MRAP: variants seen among roughly 807,000 people sequenced by gnomAD.
MRAP encodes melanocortin-2 receptor accessory protein.
A neutral mutation model predicts 8.7 loss-of-function variants in MRAP; 8 were observed. The observed-to-expected ratio is 0.92, with a 90% CI of 0.54 to 1.66. MRAP has a LOEUF of 1.66. Ranked by LOEUF, MRAP falls within the 40% of genes most tolerant of loss-of-function variation. MRAP has a pLI of 0.00. For synonymous variants in MRAP, 95 were observed against 95.5 expected (o/e 1.00, Z 0.03); for missense variants, 237 against 217.1 (o/e 1.09, Z -0.58).
In MRAP at chr21:32,299,070, C is replaced by T. The variant is rs780833179; in HGVS notation, c.99C>T (p.Ala33=). The change falls in exon 1 of 3, where the codon GCC becomes GCT. Residue 33 remains alanine, a synonymous_variant. Coordinates refer to ENST00000303645, the MANE Select transcript of MRAP (RefSeq NM_001379228.1). ...LIPVDEKKLK[A]HKHSIVIAFW... ...CCGTGGACGAGAAGAAGCTGAAAGC[C>T]CACAAACGTAAGTCTGAACTAGGGA... 1.2e-6 allele frequency: 2 copies of T among 1,613,630 alleles called. No homozygotes were observed. Among genetic ancestry groups the T allele is most frequent in the South Asian group, 1.1e-5 (1 of 91,070 alleles).
chr21:32,304,393 G>A (rs2032354206), intron 1 of MRAP, among the ~76,000 whole-genome samples: 1 of 152,092 alleles, frequency 6.6e-6, no homozygotes, highest in Non-Finnish European at 1.5e-5. Flanking sequence ...GAGGCAGGTG[G>A]ATCATGAGGT....
chr21:32,300,868 G>A (rs768664130), intron 1 of MRAP, among the ~76,000 whole-genome samples: 5 of 150,720 alleles, frequency 3.3e-5, no homozygotes, highest in East Asian at 3.9e-4. Context: ...GGCGTCATGC[G>A]TCCTATGTCG....
At chr21:32,294,677 A>C (rs1482991260), upstream of MRAP, among the ~76,000 whole-genome samples, 1 of 152,118 alleles carries the variant, frequency 6.6e-6, no homozygotes, top group African/African-American at 2.4e-5. Context: ...TCGATAAACA[A>C]ATGTTTTAAA....
At position 32,311,898 on chromosome 21, in the gene MRAP, A is replaced by T. The variant is rs1245795862; in HGVS notation, c.421A>T (p.Thr141Ser). ...CCTCGGGGGTTTCCAGACCCACCCC[A>T]CTCTCCTCTGGGAACTGACCCTCAA... is the stretch of plus-strand genomic sequence containing the variant. ...LPLGGFQTHP[T>S]LLWELTLNGG... The change falls in exon 3 of 3, where the codon ACT becomes TCT. Residue 141 changes from threonine (T) to serine (S), a missense_variant. Thr to Ser is a moderately conservative substitution (Grantham distance 58). Transcript: ENST00000303645. 3 of 1,613,178 alleles carry T rather than the reference A, an allele frequency of 1.9e-6. No homozygotes were observed. In the African/African-American group the frequency reaches 4.0e-5, roughly 22 times the overall value.
At chr21:32,299,138 G>A (rs1156927604) in intron 1 of MRAP, 61 bp downstream of exon 1, 5 of 1,283,266 alleles carry the variant, frequency 3.9e-6, no homozygotes, top group African/African-American at 1.5e-5. Flanking sequence ...CAAATGACTG[G>A]GCACTCCCGG....
At chr21:32,302,838 T>C (rs1489443563) in intron 1 of MRAP, among the ~76,000 whole-genome samples, 1 of 152,132 alleles carries the variant, frequency 6.6e-6, no homozygotes, top group Non-Finnish European at 1.5e-5. Flanking sequence ...CCTTGTCACA[T>C]TGTTCTCTGA....
At chr21:32,310,120 C>T (rs962302969) in intron 2 of MRAP, among the ~76,000 whole-genome samples, 5 of 152,208 alleles carry the variant, frequency 3.3e-5, no homozygotes, top group African/African-American at 1.2e-4. Flanking sequence ...AGCCCAGGGG[C>T]TGCCTCCACC....
chr21:32,300,442 CTATG>C (rs1445362456), intron 1 of MRAP, among the ~76,000 whole-genome samples: 14 of 150,126 alleles, frequency 9.3e-5, no homozygotes, highest in Admixed American at 9.3e-4. Context: ...GTCATGCGTC[CTATG>C]TCAGATGTTT....
In MRAP at chr21:32,310,794, C is replaced by T. The variant is rs186439368; in HGVS notation, c.207-890C>T. ...CCTGAGTAGCTGGGATTACAGGCGC[C>T]CACCACCACACCCAGCTAATTTTTG... is the stretch of plus-strand genomic sequence containing the variant. On this transcript the variant is annotated intron_variant, in intron 2 of 2. Coordinates refer to ENST00000303645, the MANE Select transcript of MRAP (RefSeq NM_001379228.1). Among the ~76,000 whole-genome samples the T allele has an allele frequency of 1.4e-3, 220 of 152,044 alleles. 2 individuals carry two copies. The Middle Eastern group carries it at 0.027, about 19-fold the overall frequency.
chr21:32,306,369 C>G (rs1265581484), intron 1 of MRAP: 1 of 462,456 alleles, frequency 2.2e-6, no homozygotes, highest in Non-Finnish European at 4.0e-6. Flanking sequence ...GGTGGGGGGG[C>G]ACACAATTCC....
At position 32,306,647 on chromosome 21, in the gene MRAP, C is replaced by T. The variant is rs1220871309; in HGVS notation, c.114C>T (p.Ile38=). 3 of 1,613,970 alleles carry T rather than the reference C, an allele frequency of 1.9e-6. No homozygotes were observed. The highest frequency in any genetic ancestry group is 2.7e-5 in the African/African-American group (2 of 74,940). The change falls in exon 2 of 3, where the codon ATC becomes ATT. Residue 38 remains isoleucine, a synonymous_variant. Coordinates refer to ENST00000303645, the MANE Select transcript of MRAP (RefSeq NM_001379228.1). ...CATCTCCTCCTCCCGCAGATTCCATCGTGATCGCATTCTGGGTGAGCCTGG... is the reference window on the plus strand; with the variant it reads ...CATCTCCTCCTCCCGCAGATTCCATTGTGATCGCATTCTGGGTGAGCCTGG... The part of the protein sequence containing the change: ...EKKLKAHKHS[I]VIAFWVSLAA...
chr21:32,301,050 TATATATCATATC>T (rs900429612), intron 1 of MRAP, among the ~76,000 whole-genome samples: 2 of 151,396 alleles, frequency 1.3e-5, no homozygotes, highest in African/African-American at 4.8e-5. Context: ...TATCATATGA[TATATATCATATC>T]ATATATCCAT....
chr21:32,298,022 G>A (rs2032172444), upstream of MRAP, among the ~76,000 whole-genome samples: 1 of 152,154 alleles, frequency 6.6e-6, no homozygotes, highest in African/African-American at 2.4e-5. Context: ...GGAGGGAAAG[G>A]CCATGTAAGC....
chr21:32,295,403 C>G (rs960403248), upstream of MRAP, among the ~76,000 whole-genome samples: 1 of 152,162 alleles, frequency 6.6e-6, no homozygotes, highest in South Asian at 2.1e-4. Context: ...TGAGCCCACT[C>G]GCCCAACTCC....
At chr21:32,302,736 C>T (rs539047564) in intron 1 of MRAP, among the ~76,000 whole-genome samples, 4 of 152,186 alleles carry the variant, frequency 2.6e-5, no homozygotes, top group East Asian at 1.9e-4. Context: ...GGAATAAGAA[C>T]GGACACACGG....
At chr21:32,314,429 C>T (rs1568804431), downstream of MRAP, 3 of 827,864 alleles carry the variant, frequency 3.6e-6, no homozygotes, top group Non-Finnish European at 6.1e-6. Flanking sequence ...AGGTGATTCA[C>T]CCGCCTTGGC....
At chr21:32,310,538 C>T (rs1348483153) in intron 2 of MRAP, among the ~76,000 whole-genome samples, 6 of 152,150 alleles carry the variant, frequency 3.9e-5, no homozygotes, top group Admixed American at 2.6e-4. Flanking sequence ...TTATGGATGA[C>T]GTTAAAGGCA....
chr21:32,297,701 A>AT (rs929851140), upstream of MRAP, among the ~76,000 whole-genome samples: 32 of 152,198 alleles, frequency 2.1e-4, no homozygotes, highest in Non-Finnish European at 4.4e-5. Context: ...AGAATAGGAA[A>AT]TTGCTTGGTA....
At chr21:32,298,776 C>T (rs2032189317), upstream of MRAP, 11 of 557,942 alleles carry the variant, frequency 2.0e-5, 1 homozygote, top group South Asian at 1.7e-4. Context: ...TGGATGCTGG[C>T]GTTGTGAGAC....
Sources: allele counts gnomAD v4.1 joint callset (sites outside exome capture counted in the v4.1 genomes callset), GRCh38; gene constraint gnomAD v4.1.1; transcripts MANE v1.5; gene names NCBI Gene and HGNC (gene_info 2026-07-23, HGNC 2026-07-21).